Variants in MMP16 observed in about 807,000 individuals in gnomAD.
MMP16 encodes matrix metalloproteinase-16.
A neutral mutation model predicts 67.8 loss-of-function variants in MMP16; 12 were observed. That is an observed-to-expected ratio of 0.18 (90% CI 0.11 to 0.29). The LOEUF (loss-of-function observed/expected upper bound fraction) is 0.29, where lower values mean the gene tolerates loss of function less well. Ranked by LOEUF, MMP16 falls within the 10% of genes least tolerant of loss-of-function variation. The pLI, the probability that MMP16 is intolerant of heterozygous loss-of-function variation, is 1.00. For synonymous variants in MMP16, 249 were observed against 255.9 expected, an observed-to-expected ratio of 0.97 and a Z score of 0.26; for missense variants, 475 against 765.7, an observed-to-expected ratio of 0.62 and a Z score of 4.48.
At position 88,036,414 on chromosome 8, in the gene MMP16, T is replaced by C. The variant is rs1456195105; in HGVS notation, c.*5047A>G. The C allele has an allele frequency of 6.6e-6, 1 of 151,914 alleles. No homozygotes were observed. The allele number at this position is 151,914 out of a possible 1,614,324, so 9.4% of individuals were successfully genotyped here. A position where few individuals can be genotyped will look rare whatever the true frequency, so the allele number is the denominator to read the frequency against. On this transcript the variant is annotated 3_prime_UTR_variant, in exon 10 of 10. Coordinates refer to ENST00000286614, the MANE Select transcript of MMP16 (RefSeq NM_005941.5). ...TTCCTCCTCCATTTCCATCATATTATATAAATATGAAAGCTAAATATAATA... is the reference window on the plus strand; with the variant it reads ...TTCCTCCTCCATTTCCATCATATTACATAAATATGAAAGCTAAATATAATA...
At chr8:88,201,236 T>C (rs796824815) in intron 1 of MMP16, among the ~76,000 whole-genome samples, 18 of 151,450 alleles carry the variant, frequency 1.2e-4, no homozygotes, top group African/African-American at 4.4e-4. Flanking sequence ...TTTTAGAAAT[T>C]ATAGAAATAA....
At chr8:88,222,342 C>T (rs1470621585) in intron 1 of MMP16, among the ~76,000 whole-genome samples, 1 of 152,066 alleles carries the variant, frequency 6.6e-6, no homozygotes, top group African/African-American at 2.4e-5. Context: ...TTGGAAAAAA[C>T]TAGTTTAAAG....
intron 1 of MMP16, among the ~76,000 whole-genome samples, chr8:88,248,244 C>T (rs1490318271): frequency 6.6e-6 from 1 of 151,988 alleles, no homozygotes; most frequent in East Asian, 1.9e-4. Flanking sequence ...TTGAAGTAAG[C>T]ATATTGAATA....
chr8:88,072,729 C>G (rs1376668678), intron 7 of MMP16, among the ~76,000 whole-genome samples: 3 of 152,064 alleles, frequency 2.0e-5, no homozygotes, highest in Non-Finnish European at 4.4e-5. Context: ...CTTTTAGGAA[C>G]TGAAAATAAA....
At chr8:88,050,095 G>A (rs1187952752) in intron 8 of MMP16, among the ~76,000 whole-genome samples, 1 of 152,290 alleles carries the variant, frequency 6.6e-6, no homozygotes, top group South Asian at 2.1e-4. Context: ...GCCAATGCGG[G>A]TGGATTACCT....
intron 6 of MMP16, among the ~76,000 whole-genome samples, chr8:88,082,857 A>T (rs377213585): frequency 6.6e-6 from 1 of 152,172 alleles, no homozygotes; most frequent in African/African-American, 2.4e-5. Context: ...CAAAAAAAGC[A>T]TGTGCTAAAA....
intron 6 of MMP16, among the ~76,000 whole-genome samples, chr8:88,089,725 A>G (rs2118339674): frequency 6.6e-6 from 1 of 152,074 alleles, no homozygotes; most frequent in Non-Finnish European, 1.5e-5. Flanking sequence ...GGATTTCAGG[A>G]GGGAAGTCCA....
chr8:88,212,416 A>T (rs1330653103), intron 1 of MMP16, among the ~76,000 whole-genome samples: 9 of 152,234 alleles, frequency 5.9e-5, no homozygotes, highest in Non-Finnish European at 1.5e-5. Flanking sequence ...GGAATAGCAC[A>T]AAACAGCTCA....
At chr8:88,314,169 T>C (rs576177723) in intron 1 of MMP16, among the ~76,000 whole-genome samples, 3 of 152,356 alleles carry the variant, frequency 2.0e-5, no homozygotes, top group African/African-American at 7.2e-5. Context: ...TCTTCACTAA[T>C]GTGTAATCTG....
At chr8:88,165,567 T>C (rs1435028332) in intron 4 of MMP16, among the ~76,000 whole-genome samples, 1 of 152,136 alleles carries the variant, frequency 6.6e-6, no homozygotes, top group East Asian at 1.9e-4. Context: ...AATTTTAAAA[T>C]TGACTTGAAG....
At chr8:88,104,276 A>T (rs1238367677) in intron 6 of MMP16, among the ~76,000 whole-genome samples, 2 of 151,764 alleles carry the variant, frequency 1.3e-5, no homozygotes, top group Non-Finnish European at 2.9e-5. Flanking sequence ...TCATGACATA[A>T]AATCTAATAT....
chr8:88,138,435 C>G (rs1432526693), intron 4 of MMP16, among the ~76,000 whole-genome samples: 1 of 151,990 alleles, frequency 6.6e-6, no homozygotes, highest in Non-Finnish European at 1.5e-5. Flanking sequence ...GTTTCAGTGG[C>G]TTTTTGACTG....
At chr8:88,320,022 T>G (rs1456633029) in intron 1 of MMP16, among the ~76,000 whole-genome samples, 1 of 152,220 alleles carries the variant, frequency 6.6e-6, no homozygotes, top group Non-Finnish European at 1.5e-5. Context: ...AATGCTGGCA[T>G]GCCCTAATGC....
chr8:88,192,568 T>C (rs575880705), intron 2 of MMP16, among the ~76,000 whole-genome samples: 1 of 152,328 alleles, frequency 6.6e-6, no homozygotes, highest in African/African-American at 2.4e-5. Context: ...GCCATGGGTA[T>C]ATTCAGAAAT....
intron 3 of MMP16, among the ~76,000 whole-genome samples, chr8:88,184,419 T>C (rs1003434859): frequency 6.6e-6 from 1 of 151,670 alleles, no homozygotes; most frequent in Non-Finnish European, 1.5e-5. Context: ...CATCAAAATC[T>C]ACAAATGCTT....
At chr8:88,324,863 T>TA (rs1462350517) in intron 1 of MMP16, among the ~76,000 whole-genome samples, 3 of 150,880 alleles carry the variant, frequency 2.0e-5, no homozygotes, top group Non-Finnish European at 4.4e-5. Context: ...TCCTACAATC[T>TA]AAAAAAAAGG....
intron 1 of MMP16, among the ~76,000 whole-genome samples, chr8:88,241,353 T>C (rs1233785852): frequency 2.6e-5 from 4 of 152,124 alleles, no homozygotes; most frequent in Non-Finnish European, 4.4e-5. Flanking sequence ...TTCTAGCTTA[T>C]TGCATTATCA....
chr8:88,290,459 A>G (rs1810909455), intron 1 of MMP16, among the ~76,000 whole-genome samples: 1 of 152,182 alleles, frequency 6.6e-6, no homozygotes, highest in Non-Finnish European at 1.5e-5. Context: ...AGGCTGAGGC[A>G]GGAGAATGGA....
chr8:88,111,335 C>T (rs767661646), intron 6 of MMP16, among the ~76,000 whole-genome samples: 3 of 151,624 alleles, frequency 2.0e-5, no homozygotes, highest in African/African-American at 2.4e-5. Context: ...ACCTGTGAAA[C>T]GACAGTCTGG....
Sources: allele counts gnomAD v4.1 joint callset (sites outside exome capture counted in the v4.1 genomes callset), GRCh38; gene constraint gnomAD v4.1.1; transcripts MANE v1.5; gene names NCBI Gene and HGNC (gene_info 2026-07-23, HGNC 2026-07-21).